SRCIN1: variants seen among roughly 807,000 people sequenced by gnomAD.
The protein encoded by SRCIN1 is P130Cas-associated protein.
In SRCIN1, 50 loss-of-function variants were observed where a neutral mutation model predicts 116.2. That is an observed-to-expected ratio of 0.43 (90% confidence interval 0.34 to 0.54). SRCIN1 has a LOEUF of 0.54. SRCIN1 is among the 20% of genes least tolerant of loss of function. The pLI is 0.02. For missense variants in SRCIN1, 1,446 were observed against 1,672.0 expected (o/e 0.86, Z 2.36); for synonymous variants, 736 against 750.0 (o/e 0.98, Z 0.30).
intron 1 of SRCIN1, among the ~76,000 whole-genome samples, chr17:38,581,100 G>T (rs898052866): frequency 6.6e-6 from 1 of 152,046 alleles, no homozygotes; most frequent in Admixed American, 6.6e-5. Context: ...CTCCCAAAGT[G>T]CTGAGATTAA....
intron 3 of SRCIN1, among the ~76,000 whole-genome samples, chr17:38,566,335 C>G (rs1228228618): frequency 6.6e-6 from 1 of 152,212 alleles, no homozygotes; most frequent in African/African-American, 2.4e-5. Flanking sequence ...CCTTTCCATT[C>G]TCACAGCCTG....
At chr17:38,543,018 C>T (rs893151625) in intron 18 of SRCIN1, 2 of 453,248 alleles carry the variant, frequency 4.4e-6, no homozygotes, top group African/African-American at 4.0e-5. Flanking sequence ...CTAAGGGTCT[C>T]TCACAACATC....
rs1909229740 is a variant in SRCIN1 at position 38,604,364 on chromosome 17, C to A, written c.22+1320G>T. On this transcript the variant is annotated intron_variant, in intron 1 of 18. Transcript: ENST00000617146. This position sits in a 1 kb window ranked among gnomAD's most constrained non-coding sequence, Gnocchi z 4.3. Reference sequence around the variant, plus strand: ...CTGCCAGAAACCCCCACCCCCAGCTCGGGGAGCCCACTTTCCTTAAAGTTG... The same window carrying A: ...CTGCCAGAAACCCCCACCCCCAGCTAGGGGAGCCCACTTTCCTTAAAGTTG... The A allele has an allele frequency of 6.4e-6, 2 of 313,456 alleles. No individual in the cohort carries two copies. Among genetic ancestry groups the A allele is most frequent in the Admixed American group, 4.6e-5 (1 of 21,824 alleles). 19.4% of individuals were successfully genotyped at this position (313,456 alleles called of 1,614,324 possible).
At chr17:38,549,522 A>G (rs1905261849) in intron 15 of SRCIN1, among the ~76,000 whole-genome samples, 1 of 152,112 alleles carries the variant, frequency 6.6e-6, no homozygotes, top group African/African-American at 2.4e-5. Flanking sequence ...CTAAACCAGG[A>G]TCTGGTTGAA....
chr17:38,578,774 G>A lies in SRCIN1; in HGVS notation c.40C>T (p.Pro14Ser), dbSNP rs764949166. The A allele has an allele frequency of 6.2e-5, 93 of 1,505,738 alleles. No homozygotes were observed. The highest frequency in any genetic ancestry group is 1.3e-4 in the African/African-American group (9 of 71,948). The allele number at this position is 1,505,738 out of a possible 1,614,324, so 93.3% of individuals were successfully genotyped here. A position where few individuals can be genotyped will look rare whatever the true frequency, so the allele number is the denominator to read the frequency against. Residue 14 changes from proline (P) to serine (S), a missense_variant, in exon 2 of 19, where the codon CCC becomes TCC. Pro to Ser is a moderately conservative substitution (Grantham distance 74, BLOSUM62 -1). Around this residue, in one of 5 missense-constraint regions of SRCIN1, gnomAD observed 246 missense variants for 265.1 expected, o/e 0.93. Coordinates refer to ENST00000617146, the MANE Select transcript of SRCIN1 (RefSeq NM_025248.3). ...APSQDPERSS[P>S]PMLSADDAEY... ...GCATCGTCCGCAGACAGCATGGGGG[G>A]GCTGCTCCGCTCCGGATCTGCGAGA...
intron 18 of SRCIN1, among the ~76,000 whole-genome samples, chr17:38,540,235 T>C (rs1904642101): frequency 6.6e-6 from 1 of 152,154 alleles, no homozygotes; most frequent in Non-Finnish European, 1.5e-5. Flanking sequence ...TCACTTCCTC[T>C]GACTACTCTG....
chr17:38,597,315 C>A (rs1437115083), intron 1 of SRCIN1, among the ~76,000 whole-genome samples: 2 of 152,210 alleles, frequency 1.3e-5, no homozygotes, highest in African/African-American at 4.8e-5. Flanking sequence ...CCCTAAGTGG[C>A]AGCTCCAGGG....
In SRCIN1 at chr17:38,549,223, AG is replaced by A; in HGVS notation, c.2963-14del. On this transcript the variant is annotated splice_polypyrimidine_tract_variant and intron_variant, in intron 15 of 18. Transcript: ENST00000617146. ...ACGGTCAACTCATCTGCAGGCACCA[AG>A]GGGCTGGGGGTCAGCAGGCCTGCAA... 2 of 1,507,730 alleles carry A rather than the reference AG, an allele frequency of 1.3e-6. No homozygotes were observed. The highest frequency in any genetic ancestry group is 1.8e-6 in the Non-Finnish European group (2 of 1,132,530). 93.4% of individuals were successfully genotyped at this position (1,507,730 alleles called of 1,614,324 possible). A position where few individuals can be genotyped will look rare whatever the true frequency, so the allele number is the denominator to read the frequency against.
At chr17:38,534,689 G>A (rs1281275492) in intron 18 of SRCIN1, among the ~76,000 whole-genome samples, 2 of 152,142 alleles carry the variant, frequency 1.3e-5, no homozygotes, top group African/African-American at 4.8e-5. Context: ...CCTGTCTCCA[G>A]CAGCCTGCCC....
chr17:38,550,776 G>A lies in SRCIN1; in HGVS notation c.2962+379C>T, dbSNP rs183365817. 6.6e-5 allele frequency among the ~76,000 whole-genome samples: 10 copies of A among 152,324 alleles called. No individual in the cohort carries two copies. In the South Asian group the frequency reaches 1.0e-3, roughly 16 times the overall value. On this transcript the variant is annotated intron_variant, in intron 15 of 18. Transcript: ENST00000617146. ...CTGGATTTCTGCCACTCCCGGGACC[G>A]TGACTCAGGCTGGGGACCATGGGAA... is the stretch of plus-strand genomic sequence containing the variant.
chr17:38,554,257 T>C (rs1300243016), intron 11 of SRCIN1, among the ~76,000 whole-genome samples: 2 of 151,554 alleles, frequency 1.3e-5, no homozygotes, highest in Admixed American at 1.3e-4. Context: ...ATCAGGTGGA[T>C]TGGATGAGCT....
chr17:38,553,535 C>T (rs892770204), intron 11 of SRCIN1, among the ~76,000 whole-genome samples: 3 of 152,120 alleles, frequency 2.0e-5, no homozygotes, highest in Admixed American at 6.6e-5. Context: ...TCTCTTGTCT[C>T]GGGGGAAACT....
rs56321748 is a variant in SRCIN1 at position 38,548,593 on chromosome 17, G to A, written c.3234C>T (p.Asp1078=). The A allele has an allele frequency of 0.13, 202,120 of 1,612,616 alleles. 13,537 individuals are homozygous for A. The highest frequency in any genetic ancestry group is 0.16 in the South Asian group (14,927 of 91,078). ...TPPIMASAIK[D]EDDEDRIIAE... The stretch of plus-strand genomic sequence containing the variant: ...CGATGATGCGATCCTCGTCATCCTC[G>A]TCCTTGATGGCCGAGGCCATGATGG... Residue 1078 remains aspartate, a synonymous_variant, in exon 17 of 19, where the codon GAC becomes GAT. Coordinates refer to ENST00000617146, the MANE Select transcript of SRCIN1 (RefSeq NM_025248.3).
At chr17:38,543,347 G>C (rs1202608038) in intron 18 of SRCIN1, among the ~76,000 whole-genome samples, 1 of 152,228 alleles carries the variant, frequency 6.6e-6, no homozygotes, top group African/African-American at 2.4e-5. Context: ...GATGAGAGTG[G>C]GGCCCTGAAT....
Position 38,558,317 on chromosome 17 carries a change from T to C in SRCIN1, c.2111A>G (p.Gln704Arg). The change falls in exon 11 of 19, where the codon CAG (glutamine) becomes CGG (arginine). Residue 704 changes from glutamine (Q) to arginine (R), a missense_variant. Transcript: ENST00000617146. This position sits in a 1 kb window ranked among gnomAD's most constrained non-coding sequence, Gnocchi z 4.6. ...SMRVSEAARR[Q>R]EDPLQRQRTL... ...GCGCTGCCGCTGCAGCGGGTCCTCC[T>C]GCCGCCGCGCCGCCTCCGACACGCG... The C allele has an allele frequency of 1.2e-6, 2 of 1,610,938 alleles. No individual in the cohort carries two copies. The highest frequency in any genetic ancestry group is 2.2e-5 in the East Asian group (1 of 44,870).
At chr17:38,551,669 A>G (rs771255583) in intron 14 of SRCIN1, 1 of 736,366 alleles carries the variant, frequency 1.4e-6, no homozygotes, top group South Asian at 1.8e-5. Flanking sequence ...TTGGGCAAAC[A>G]TCATACTGCT....
chr17:38,559,495 G>A, intron 10 of SRCIN1, 90 bp downstream of exon 10: 1 of 1,347,594 alleles, frequency 7.4e-7, no homozygotes, highest in South Asian at 1.3e-5. Context: ...GGAAAAGGAT[G>A]AGGTAGTAGG....
chr17:38,537,228 T>C (rs1904445520), intron 18 of SRCIN1, among the ~76,000 whole-genome samples: 2 of 149,186 alleles, frequency 1.3e-5, no homozygotes, highest in Admixed American at 1.3e-4. Context: ...AAGCCGGGCT[T>C]GGTGGCTCAT....
intron 1 of SRCIN1, among the ~76,000 whole-genome samples, chr17:38,603,139 C>T (rs937108719): frequency 1.3e-5 from 2 of 151,966 alleles, no homozygotes; most frequent in African/African-American, 4.8e-5. Flanking sequence ...CTAATTAAAC[C>T]CTTTTTCCAG....
Sources: allele counts gnomAD v4.1 joint callset (sites outside exome capture counted in the v4.1 genomes callset), GRCh38; gene constraint gnomAD v4.1.1; regional missense constraint gnomAD v4.1.1; non-coding constraint Gnocchi (gnomAD v3.1); transcripts MANE v1.5; gene names NCBI Gene and HGNC (gene_info 2026-07-23, HGNC 2026-07-21).